Variants in SNAPIN observed in about 807,000 individuals in gnomAD.
The protein encoded by SNAPIN is SNAP associated protein.
In SNAPIN, 16 loss-of-function variants were observed where a neutral mutation model predicts 15.9. That is an observed-to-expected ratio of 1.01 (90% CI 0.68 to 1.53). SNAPIN has a LOEUF of 1.53. Among genes scored for constraint, SNAPIN ranks in the 40% most tolerant of loss-of-function variants. SNAPIN has a pLI of 0.00. For missense variants in SNAPIN, 186 were observed against 180.1 expected (o/e 1.03, Z -0.19); for synonymous variants, 83 against 76.2 (o/e 1.09, Z -0.46).
chr1:153,660,648 C>CGG (rs574546831), intron 3 of SNAPIN, among the ~76,000 whole-genome samples: 13 of 98,180 alleles, frequency 1.3e-4, no homozygotes, highest in Admixed American at 2.2e-4. Flanking sequence ...AACTCCGTCT[C>CGG]GGGAAAAAAA....
At position 153,661,560 on chromosome 1, in the gene SNAPIN, C is replaced by CTT; in HGVS notation, c.*268_*269dup. 21 of 259,664 alleles carry CTT rather than the reference C, an allele frequency of 8.1e-5. No homozygotes were observed. Among genetic ancestry groups the CTT allele is most frequent in the South Asian group, 2.8e-4 (5 of 18,024 alleles). The allele number at this position is 259,664 out of a possible 1,614,324, so 16.1% of individuals were successfully genotyped here. ...TTTCACAAATGAGCTGAGGCCTCTA[C>CTT]TTTTTTTTTTAAGCTGCATACGTGA... On this transcript the variant is annotated 3_prime_UTR_variant, in exon 4 of 4. Coordinates refer to ENST00000368685, the MANE Select transcript of SNAPIN (RefSeq NM_012437.6).
intron 3 of SNAPIN, 105 bp downstream of exon 3, chr1:153,659,671 A>G: frequency 1.2e-6 from 1 of 804,330 alleles, no homozygotes; most frequent in Admixed American, 2.0e-5. Flanking sequence ...AGGGAAATTC[A>G]CTTCTCCCAG....
Position 153,660,672 on chromosome 1 carries a change from AAGAC to A in SNAPIN, c.310-525_310-522del, listed in dbSNP as rs1378685432. ...TCGGGAAAAAAAAAAAAAAAAAAAA[AAGAC>A]AGGCTATCACTATGGTGCCCAGGCT... On this transcript the variant is annotated intron_variant, in intron 3 of 3. Transcript: ENST00000368685. Among the ~76,000 whole-genome samples, 60 of 151,254 alleles carry A rather than the reference AAGAC, an allele frequency of 4.0e-4. No homozygotes were observed. In the East Asian group the frequency reaches 9.6e-3, roughly 24 times the overall value.
In SNAPIN at chr1:153,661,289, C is replaced by T. The variant is rs750898653; in HGVS notation, c.399C>T (p.Ser133=). Residue 133 remains serine (S), a synonymous_variant, in exon 4 of 4, where the codon TCC becomes TCT. Transcript: ENST00000368685. ...MLDSGIYPPG[S]PGK Reference sequence around the variant, plus strand: ...ATTCGGGAATTTACCCCCCTGGCTCCCCAGGCAAATAACAGATGAGCCTAT... The same window carrying T: ...ATTCGGGAATTTACCCCCCTGGCTCTCCAGGCAAATAACAGATGAGCCTAT... 6.8e-6 allele frequency: 11 copies of T among 1,613,144 alleles called. No individual in the cohort carries two copies. In the South Asian group the frequency reaches 8.8e-5, roughly 13 times the overall value.
At chr1:153,659,006 A>G (rs994314890) in intron 1 of SNAPIN, 120 bp downstream of exon 1, 49 of 1,565,404 alleles carry the variant, frequency 3.1e-5, no homozygotes, top group Non-Finnish European at 3.8e-5. Context: ...GGCGGGGAGG[A>G]CAGGCGGGAA....
Position 153,661,195 on chromosome 1 carries a change from T to C in SNAPIN, c.310-5T>C, listed in dbSNP as rs375259073. The C allele has an allele frequency of 1.2e-5, 19 of 1,612,722 alleles. No homozygotes were observed. The highest frequency in any genetic ancestry group is 3.3e-5 in the Admixed American group (2 of 59,960). ...TTAAGATTCCAAACCTTCCTTGTCT[T>C]GTAGGAACGACTGAGACGGCTAAAC... On this transcript the variant is annotated splice_region_variant and splice_polypyrimidine_tract_variant and intron_variant, in intron 3 of 3. Coordinates refer to ENST00000368685, the MANE Select transcript of SNAPIN (RefSeq NM_012437.6).
Position 153,659,236 on chromosome 1 carries a change from T to G in SNAPIN, c.190+52T>G. 3 of 1,597,502 alleles carry G rather than the reference T, an allele frequency of 1.9e-6. No individual in the cohort carries two copies. The East Asian group carries it at 6.7e-5, about 36-fold the overall frequency. On this transcript the variant is annotated intron_variant, in intron 2 of 3. Coordinates refer to ENST00000368685, the MANE Select transcript of SNAPIN (RefSeq NM_012437.6). Reference sequence around the variant, plus strand: ...AATTCTTCAGCCCACTTTCAGGACCTTAGGTTTTTGCCAACCCCTGGGCTG... The same window carrying G: ...AATTCTTCAGCCCACTTTCAGGACCGTAGGTTTTTGCCAACCCCTGGGCTG...
chr1:153,659,640 A>ATAC, intron 3 of SNAPIN, 74 bp downstream of exon 3: 3 of 1,038,528 alleles, frequency 2.9e-6, no homozygotes. Context: ...AGCCACTGTA[A>ATAC]TTTTAAAATT....
At chr1:153,660,944 A>AT (rs1216113170) in intron 3 of SNAPIN, among the ~76,000 whole-genome samples, 2 of 151,580 alleles carry the variant, frequency 1.3e-5, no homozygotes, top group Non-Finnish European at 2.9e-5. Context: ...ATTTTTTTGT[A>AT]TTTTTTAGTA....
chr1:153,660,996 CT>C (rs1185522746), intron 3 of SNAPIN, among the ~76,000 whole-genome samples: 11 of 151,792 alleles, frequency 7.2e-5, no homozygotes, highest in Admixed American at 7.2e-4. Context: ...TCTTGAACTC[CT>C]GACCTCAGGT....
intron 3 of SNAPIN, among the ~76,000 whole-genome samples, chr1:153,660,559 A>G (rs1669122788): frequency 6.6e-6 from 1 of 151,484 alleles, no homozygotes; most frequent in Non-Finnish European, 1.5e-5. Context: ...GAGACAGAAG[A>G]ATCACTTGAG....
rs1669149435 is a variant in SNAPIN, at chr1:153,661,237, A to C, written c.347A>C (p.Glu116Ala). ...LRRLNHSVAKETARRRAMLDS... is the reference protein window; with the variant it reads ...LRRLNHSVAKATARRRAMLDS... ...CGGCTAAACCACAGTGTTGCCAAGGAAACAGCCCGCAGGAGAGCAATGCTG... is the reference window on the plus strand; with the variant it reads ...CGGCTAAACCACAGTGTTGCCAAGGCAACAGCCCGCAGGAGAGCAATGCTG... Residue 116 changes from glutamate to alanine, a missense_variant, in exon 4 of 4, where the codon GAA becomes GCA. Physicochemically the swap from Glu to Ala is moderately radical, Grantham distance 107. Transcript: ENST00000368685. 6.2e-7 allele frequency: 1 copy of C among 1,613,860 alleles called. No homozygotes were observed. The highest frequency in any genetic ancestry group is 8.5e-7 in the Non-Finnish European group (1 of 1,179,836).
At chr1:153,660,730 C>T (rs1234351001) in intron 3 of SNAPIN, among the ~76,000 whole-genome samples, 1 of 150,128 alleles carries the variant, frequency 6.7e-6, no homozygotes. Context: ...AGTGATCTTC[C>T]TGCCACTTCC....
intron 3 of SNAPIN, among the ~76,000 whole-genome samples, chr1:153,659,854 C>T (rs979922694): frequency 2.6e-5 from 4 of 152,090 alleles, no homozygotes; most frequent in African/African-American, 4.8e-5. Flanking sequence ...ATTCTGCCTC[C>T]GCCTCCCGAG....
chr1:153,659,278 T>C (rs776160602), intron 2 of SNAPIN, 94 bp downstream of exon 2: 32 of 1,413,820 alleles, frequency 2.3e-5, no homozygotes, highest in Non-Finnish European at 3.0e-5. Context: ...TGTCACTTGC[T>C]TCCAGGGCAT....
intron 1 of SNAPIN, 92 bp downstream of exon 1, chr1:153,658,978 T>A: frequency 6.3e-7 from 1 of 1,589,886 alleles, no homozygotes; most frequent in Non-Finnish European, 8.6e-7. Context: ...TGGGCATAAA[T>A]TTAGGAAACT....
chr1:153,661,116 G>A (rs528475956), intron 3 of SNAPIN, 84 bp from the exon 4 acceptor site: 127 of 1,070,764 alleles, frequency 1.2e-4, no homozygotes, highest in South Asian at 8.4e-4. Context: ...GGTAGATCAC[G>A]CCCGGTATTT....
Position 153,658,824 on chromosome 1 carries a change from A to G in SNAPIN, c.81A>G (p.Glu27=). The change falls in exon 1 of 4, where the codon GAA becomes GAG. Residue 27 remains glutamate (E), a synonymous_variant. Coordinates refer to ENST00000368685, the MANE Select transcript of SNAPIN (RefSeq NM_012437.6). ...CCACAGGCCGCGACCTTTTCGCCGA[A>G]GGGCTGCTGGAGTTCCTGCGACCCG... ...AGPTGRDLFA[E]GLLEFLRPAV... 6.3e-7 allele frequency: 1 copy of G among 1,596,724 alleles called. No homozygotes were observed. The highest frequency in any genetic ancestry group is 8.5e-7 in the Non-Finnish European group (1 of 1,175,600).
chr1:153,659,655 G>A, intron 3 of SNAPIN, 89 bp downstream of exon 3: 2 of 948,932 alleles, frequency 2.1e-6, no homozygotes, highest in South Asian at 2.8e-5. Flanking sequence ...AAAATTCTTT[G>A]GGGAAAGGGA....
Sources: gnomAD v4.1 joint callset for allele counts (sites outside exome capture counted in the v4.1 genomes callset) on GRCh38, gnomAD v4.1.1 for gene constraint, MANE v1.5 for transcripts, NCBI Gene and HGNC (gene_info 2026-07-23, HGNC 2026-07-21) for gene names.